Variants in NDUFS7 observed in about 807,000 individuals in gnomAD.
The protein encoded by NDUFS7 is NADH:ubiquinone oxidoreductase core subunit S7, also known as NADH dehydrogenase [ubiquinone] iron-sulfur protein 7, mitochondrial.
Under a neutral mutation model 31.1 loss-of-function variants are expected in NDUFS7, and 11 were observed. That is an observed-to-expected ratio of 0.35 (90% CI 0.22 to 0.59). NDUFS7 has a LOEUF of 0.59. NDUFS7 is among the 20% of genes least tolerant of loss of function. NDUFS7 has a pLI of 0.79. For missense variants in NDUFS7, 263 were observed against 324.2 expected, an observed-to-expected ratio of 0.81 and a Z score of 1.45; for synonymous variants, 136 against 127.9, an observed-to-expected ratio of 1.06 and a Z score of -0.43.
intron 7 of NDUFS7, 59 bp from the exon 8 acceptor site, chr19:1,395,332 T>A: frequency 6.4e-7 from 1 of 1,561,306 alleles, no homozygotes; most frequent in Admixed American, 1.9e-5. Flanking sequence ...GGCTGCGCTG[T>A]GCACGCGGTC....
chr19:1,394,575 T>G, intron 7 of NDUFS7: 1 of 1,242,300 alleles, frequency 8.0e-7, no homozygotes, highest in Non-Finnish European at 1.0e-6. Flanking sequence ...CCTCCCTCCC[T>G]GCGGACCGCG....
intron 4 of NDUFS7, chr19:1,390,360 C>T: frequency 4.9e-6 from 1 of 206,178 alleles, no homozygotes; most frequent in South Asian, 7.8e-5. Flanking sequence ...AGCAGGGCCC[C>T]TGCCAGGTCT....
intron 1 of NDUFS7, among the ~76,000 whole-genome samples, chr19:1,385,036 G>A (rs1327939345): frequency 6.6e-6 from 1 of 152,056 alleles, no homozygotes; most frequent in African/African-American, 2.4e-5. Flanking sequence ...GGCTGGTCTC[G>A]AACTTCTGAG....
In NDUFS7 at chr19:1,388,754, C is replaced by T. The variant is rs763612447; in HGVS notation, c.123-79C>T. 26 of 1,471,108 alleles carry T rather than the reference C, an allele frequency of 1.8e-5. 1 individual carries two copies. Among genetic ancestry groups the T allele is most frequent in the South Asian group, 1.1e-4 (9 of 82,754 alleles). 91.1% of individuals were successfully genotyped at this position (1,471,108 alleles called of 1,614,324 possible). A position where few individuals can be genotyped will look rare whatever the true frequency, so the allele number is the denominator to read the frequency against. On this transcript the variant is annotated intron_variant, in intron 3 of 7. Coordinates refer to ENST00000233627, the MANE Select transcript of NDUFS7 (RefSeq NM_024407.5). ...TCATGTGGGTCCAGGCCTCTGGCAG[C>T]GGCCGTGGGGGCTCGCATCCGCCTC...
chr19:1,386,513 T>C (rs2030357550), intron 1 of NDUFS7: 1 of 151,658 alleles, frequency 6.6e-6, no homozygotes, highest in African/African-American at 2.4e-5. Context: ...ATTTTATTTT[T>C]TGAGATGGAG....
intron 1 of NDUFS7, among the ~76,000 whole-genome samples, chr19:1,384,807 T>G (rs993021665): frequency 1.3e-5 from 2 of 152,238 alleles, no homozygotes; most frequent in African/African-American, 2.4e-5. Flanking sequence ...TTGTCTATGC[T>G]AAGAATTTTT....
chr19:1,387,702 G>A (rs1489458061), intron 1 of NDUFS7, 109 bp from the exon 2 acceptor site: 2 of 979,656 alleles, frequency 2.0e-6, no homozygotes, highest in African/African-American at 1.6e-5. Flanking sequence ...CACTCGAGTT[G>A]GGATCAGAGC....
chr19:1,386,162 G>A (rs780249788), intron 1 of NDUFS7, among the ~76,000 whole-genome samples: 2 of 152,228 alleles, frequency 1.3e-5, no homozygotes, highest in African/African-American at 4.8e-5. Context: ...CCCATGGATC[G>A]CTGCATTCAG....
intron 3 of NDUFS7, 94 bp from the exon 4 acceptor site, chr19:1,388,739 C>G: frequency 2.1e-6 from 3 of 1,454,318 alleles, no homozygotes; most frequent in Non-Finnish European, 2.8e-6. Flanking sequence ...TCATGTGGGT[C>G]CAGGCCTCTG....
chr19:1,394,689 C>T (rs1414200640), intron 7 of NDUFS7: 7 of 1,205,844 alleles, frequency 5.8e-6, no homozygotes, highest in South Asian at 1.5e-5. Flanking sequence ...GTGCTGCTCC[C>T]TCCCTGCGGA....
intron 4 of NDUFS7, chr19:1,389,504 C>G: frequency 2.2e-6 from 1 of 457,434 alleles, no homozygotes; most frequent in Non-Finnish European, 4.4e-6. Flanking sequence ...GATTCGGACC[C>G]TGCTGGAGAT....
chr19:1,390,502 G>T, intron 4 of NDUFS7: 1 of 370,030 alleles, frequency 2.7e-6, no homozygotes, highest in Non-Finnish European at 5.0e-6. Flanking sequence ...TGTGGACCCA[G>T]ATCTAGTTAA....
At chr19:1,389,205 G>T (rs552182307) in intron 4 of NDUFS7, 3 of 682,872 alleles carry the variant, frequency 4.4e-6, no homozygotes, top group Admixed American at 4.1e-5. Context: ...GTGCACACAC[G>T]CTTGCACACA....
At chr19:1,394,553 GGGGA>G in intron 7 of NDUFS7, 1 of 1,244,776 alleles carries the variant, frequency 8.0e-7, no homozygotes, top group Non-Finnish European at 1.0e-6. Context: ...CTCCCTCCCT[GGGGA>G]CCGCGCTCCT....
At chr19:1,389,041 A>G in intron 4 of NDUFS7, 103 bp downstream of exon 4, 1 of 952,468 alleles carries the variant, frequency 1.0e-6, no homozygotes, top group Non-Finnish European at 1.7e-6. Context: ...TACACACACA[A>G]CACATGCATG....
chr19:1,383,935 G>A lies in NDUFS7; in HGVS notation c.9G>A (p.Val3=), dbSNP rs982724042. The change falls in exon 1 of 8, where the codon GTG becomes GTA. Residue 3 remains valine, a synonymous_variant. Transcript: ENST00000233627. ...TGAAGGCCGAGGCCAAGATGGCGGT[G>A]CTGTCAGGTGAGCGCGGCACCGGCG... MA[V]LSAPGLRGFR... is the part of the protein sequence containing the mutation. The A allele has an allele frequency of 3.2e-6, 5 of 1,579,466 alleles. No individual in the cohort carries two copies. The highest frequency in any genetic ancestry group is 4.3e-6 in the Non-Finnish European group (5 of 1,164,024).
chr19:1,387,928 G>T (rs1360858528), intron 2 of NDUFS7, 81 bp downstream of exon 2: 1 of 412,814 alleles, frequency 2.4e-6, no homozygotes, highest in Non-Finnish European at 4.7e-6. Context: ...GGTGGGGGGT[G>T]GGGGGAGCGC....
intron 1 of NDUFS7, among the ~76,000 whole-genome samples, chr19:1,384,698 T>C (rs1422104318): frequency 1.3e-5 from 2 of 152,220 alleles, no homozygotes; most frequent in African/African-American, 4.8e-5. Context: ...GAGGCTTTGA[T>C]GATACGGAAA....
rs1171276645 is a variant in NDUFS7 at position 1,391,125 on chromosome 19, G to A, written c.415G>A (p.Asp139Asn). ...GACCCCGCCTCTCTTCCAGGTCTAC[G>A]ACCAGATGCCGGAGCCGCGCTACGT... The part of the protein sequence containing the change: ...KMAPALRKVY[D>N]QMPEPRYVVS... The change falls in exon 6 of 8, where the codon GAC becomes AAC. Residue 139 changes from aspartate (D) to asparagine (N), a missense_variant. Physicochemically the swap from Asp to Asn is conservative, Grantham distance 23. Coordinates refer to ENST00000233627, the MANE Select transcript of NDUFS7 (RefSeq NM_024407.5). The A allele has an allele frequency of 5.0e-6, 8 of 1,612,812 alleles. No homozygotes were observed. Among genetic ancestry groups the A allele is most frequent in the Admixed American group, 1.7e-5 (1 of 59,928 alleles).
Sources: allele counts gnomAD v4.1 joint callset (sites outside exome capture counted in the v4.1 genomes callset), GRCh38; gene constraint gnomAD v4.1.1; transcripts MANE v1.5; gene names NCBI Gene and HGNC (gene_info 2026-07-23, HGNC 2026-07-21).